NAA25: variants seen among roughly 807,000 people sequenced by gnomAD.
NAA25 encodes the protein N-terminal acetyltransferase B complex subunit NAA25.
Under a neutral mutation model 132.5 loss-of-function variants are expected in NAA25, and 30 were observed. That is an observed-to-expected ratio of 0.23 (90% CI 0.17 to 0.31). The LOEUF is 0.31. NAA25 is among the 10% of genes least tolerant of loss of function. NAA25 has a pLI of 1.00. For missense variants in NAA25, 771 were observed against 1,150.4 expected (o/e 0.67, Z 4.77); for synonymous variants, 359 against 401.9 (o/e 0.89, Z 1.28).
chr12:112,093,742 T>C (rs1250515358), intron 1 of NAA25, among the ~76,000 whole-genome samples: 3 of 151,934 alleles, frequency 2.0e-5, no homozygotes, highest in African/African-American at 7.3e-5. Flanking sequence ...TAGCCAGGCA[T>C]GTTGCCATGC....
In NAA25 at chr12:112,040,543, C is replaced by T. The variant is rs1295285946; in HGVS notation, c.2476G>A (p.Val826Ile). 3 of 1,604,566 alleles carry T rather than the reference C, an allele frequency of 1.9e-6. No individual in the cohort carries two copies. The South Asian group carries it at 3.3e-5, about 18-fold the overall frequency. ...FSKCKGDLLE[V>I]KDGNLKTHPT... ...TGTGTTTTCAAGTTACCATCTTTAACTTCTAAGAGGTCACCTTTACATTTA... is the reference window on the plus strand; with the variant it reads ...TGTGTTTTCAAGTTACCATCTTTAATTTCTAAGAGGTCACCTTTACATTTA... The change falls in exon 21 of 24, where the codon GTT becomes ATT. Residue 826 changes from valine (V) to isoleucine (I), a missense_variant. Val to Ile is a conservative substitution (Grantham distance 29). This residue lies in a region of NAA25 where 324 missense variants were observed against 400.0 expected (regional missense o/e 0.81). Coordinates refer to ENST00000261745, the MANE Select transcript of NAA25 (RefSeq NM_024953.4).
In NAA25 at chr12:112,090,799, C is replaced by T. The variant is rs1226157275; in HGVS notation, c.210G>A (p.Glu70=). ...KQEEAFTLAQ[E]VAALEPTDDN... ...CATCTGTGGGTTCAAGGGCTGCCAC[C>T]TCCTGTGCAAGAGTAAAGGCTTCCT... Residue 70 remains glutamate, a synonymous_variant, in exon 3 of 24, where the codon GAG becomes GAA. Transcript: ENST00000261745. 1 of 1,613,894 alleles carries T rather than the reference C, an allele frequency of 6.2e-7. No individual in the cohort carries two copies. The highest frequency in any genetic ancestry group is 1.3e-5 in the African/African-American group (1 of 74,910).
intron 9 of NAA25, among the ~76,000 whole-genome samples, chr12:112,072,664 T>C (rs2078831396): frequency 6.9e-6 from 1 of 144,648 alleles, no homozygotes; most frequent in Non-Finnish European, 1.5e-5. Flanking sequence ...TAAGGCTGGG[T>C]GTGGTGGCTC....
At chr12:112,079,424 G>GAA (rs2078938775) in intron 5 of NAA25, among the ~76,000 whole-genome samples, 1 of 152,014 alleles carries the variant, frequency 6.6e-6, no homozygotes, top group African/African-American at 2.4e-5. Context: ...CGTCTCTACT[G>GAA]AAAAATAATT....
At chr12:112,089,193 G>C (rs1593825587) in intron 3 of NAA25, among the ~76,000 whole-genome samples, 1 of 152,136 alleles carries the variant, frequency 6.6e-6, no homozygotes, top group Non-Finnish European at 1.5e-5. Flanking sequence ...TTGAGCCTAA[G>C]AGTCCAAACT....
chr12:112,061,204 C>G lies in NAA25; in HGVS notation c.1334G>C (p.Arg445Thr). The change falls in exon 12 of 24, where the codon AGG becomes ACG. Residue 445 changes from arginine (R) to threonine (T), a missense_variant. Coordinates refer to ENST00000261745, the MANE Select transcript of NAA25 (RefSeq NM_024953.4). ...ACCAAATTCCAGTCCATGCTGGTACCTTAACATCAATTCTCTGACCACACT... is the reference window on the plus strand; with the variant it reads ...ACCAAATTCCAGTCCATGCTGGTACGTTAACATCAATTCTCTGACCACACT... ...KLSVVRELML[R>T]YQHGLEFGKT... 6.2e-7 allele frequency: 1 copy of G among 1,613,486 alleles called. No individual in the cohort carries two copies. Among genetic ancestry groups the G allele is most frequent in the East Asian group, 2.2e-5 (1 of 44,870 alleles).
At chr12:112,068,735 T>C in intron 11 of NAA25, 145 bp downstream of exon 11, 1 of 519,280 alleles carries the variant, frequency 1.9e-6, no homozygotes, top group Admixed American at 3.7e-5. Context: ...TTGTAACACA[T>C]AGAGTACTTA....
intron 22 of NAA25, chr12:112,035,091 G>A (rs1048555638): frequency 1.2e-4 from 19 of 152,104 alleles, no homozygotes; most frequent in Non-Finnish European, 4.4e-5. Context: ...TGTTTACCAC[G>A]AAAATTTTCC....
Position 112,061,242 on chromosome 12 carries a change from T to C in NAA25, c.1296A>G (p.Lys432=), listed in dbSNP as rs1281282826. ...RLLGLYHTMD[K]NQKLSVVREL... The stretch of plus-strand genomic sequence containing the variant: ...CTCTGACCACACTCAATTTCTGATT[T>C]TTATCCATGGTGTGGTACAAGCCAA... The change falls in exon 12 of 24, where the codon AAA becomes AAG. Residue 432 remains lysine (K), a synonymous_variant. Coordinates refer to ENST00000261745, the MANE Select transcript of NAA25 (RefSeq NM_024953.4). 6.2e-7 allele frequency: 1 copy of C among 1,613,970 alleles called. No homozygotes were observed. The highest frequency in any genetic ancestry group is 8.5e-7 in the Non-Finnish European group (1 of 1,180,034).
At position 112,033,348 on chromosome 12, in the gene NAA25, A is replaced by C. The variant is rs2078175762; in HGVS notation, c.2681T>G (p.Val894Gly). 9 of 1,612,062 alleles carry C rather than the reference A, an allele frequency of 5.6e-6. No homozygotes were observed. In the African/African-American group the frequency reaches 1.1e-4, roughly 19 times the overall value. ...PPVFTSFQDY[V>G]TGLQTLISNV... Reference sequence around the variant, plus strand: ...GGAAATTAAAGTCTGAAGCCCAGTAACATAGTCTTGGAAACTGGTAAAGAC... The same window carrying C: ...GGAAATTAAAGTCTGAAGCCCAGTACCATAGTCTTGGAAACTGGTAAAGAC... The change falls in exon 23 of 24, where the codon GTT (valine) becomes GGT (glycine). Residue 894 changes from valine (V) to glycine (G), a missense_variant. Val to Gly is a moderately radical substitution (Grantham distance 109, BLOSUM62 -3). Coordinates refer to ENST00000261745, the MANE Select transcript of NAA25 (RefSeq NM_024953.4).
At chr12:112,063,047 CA>C (rs2136865067) in intron 11 of NAA25, among the ~76,000 whole-genome samples, 1 of 151,874 alleles carries the variant, frequency 6.6e-6, no homozygotes, top group Admixed American at 6.6e-5. Flanking sequence ...GTGACACAGC[CA>C]GACCCTGTCT....
intron 19 of NAA25, 51 bp from the exon 20 acceptor site, chr12:112,042,155 G>C: frequency 1.0e-6 from 1 of 964,622 alleles, no homozygotes; most frequent in Non-Finnish European, 1.5e-6. Context: ...TTTTTAGTAA[G>C]ATAAAGAAGC....
intron 16 of NAA25, 28 bp downstream of exon 16, chr12:112,048,264 T>C (rs2136824711): frequency 6.2e-7 from 1 of 1,600,254 alleles, no homozygotes. Context: ...ATCCCTTAGT[T>C]CCTTTATAGC....
At chr12:112,100,614 CTTTTTTTTTTTT>C (rs71083200) in intron 1 of NAA25, among the ~76,000 whole-genome samples, 4 of 100,624 alleles carry the variant, frequency 4.0e-5, no homozygotes, top group African/African-American at 1.6e-4. Context: ...ATTCCATTGT[CTTTTTTTTTTTT>C]TTTTTTTTTT....
chr12:112,069,769 G>A (rs571670802), intron 10 of NAA25, among the ~76,000 whole-genome samples: 5 of 148,554 alleles, frequency 3.4e-5, no homozygotes, highest in Non-Finnish European at 4.4e-5. Context: ...GCAGTGAGCC[G>A]AGACTGCGCC....
intron 17 of NAA25, among the ~76,000 whole-genome samples, chr12:112,044,512 T>C (rs2078349252): frequency 6.6e-6 from 1 of 150,526 alleles, no homozygotes; most frequent in Admixed American, 6.6e-5. Context: ...CTACTAAAAA[T>C]ACAAAAAATT....
chr12:112,071,897 AGTTTGT>A lies in NAA25; in HGVS notation c.1028_1033del (p.Tyr343_Lys344del). 1 of 1,612,362 alleles carries A rather than the reference AGTTTGT, an allele frequency of 6.2e-7. No individual in the cohort carries two copies. The highest frequency in any genetic ancestry group is 8.5e-7 in the Non-Finnish European group (1 of 1,179,280). On this transcript the variant is annotated inframe_deletion, in exon 10 of 24. Coordinates refer to ENST00000261745, the MANE Select transcript of NAA25 (RefSeq NM_024953.4). ...TACCAGATATCATGGTTTCTTACCC[AGTTTGT>A]ACTCATCGTTACAACCTTGACTTCG...
At chr12:112,030,210 CAAAA>C (rs67757055) in intron 23 of NAA25, among the ~76,000 whole-genome samples, 3 of 53,376 alleles carry the variant, frequency 5.6e-5, no homozygotes, top group African/African-American at 1.7e-4. Context: ...AAAGCTGTCT[CAAAA>C]AAAAAAAAAA....
intron 13 of NAA25, among the ~76,000 whole-genome samples, chr12:112,056,641 C>T (rs2078550792): frequency 6.6e-6 from 1 of 152,146 alleles, no homozygotes; most frequent in African/African-American, 2.4e-5. Context: ...TCTTTAAATG[C>T]CCTCATCAAC....
Sources: gnomAD v4.1 joint callset for allele counts (sites outside exome capture counted in the v4.1 genomes callset) on GRCh38, gnomAD v4.1.1 for gene constraint, gnomAD v4.1.1 regional missense constraint, MANE v1.5 for transcripts, NCBI Gene and HGNC (gene_info 2026-07-23, HGNC 2026-07-21) for gene names.